Variants in FSTL4 observed in about 807,000 individuals in gnomAD.
The protein encoded by FSTL4 is follistatin like 4.
A neutral mutation model predicts 78.2 loss-of-function variants in FSTL4; 28 were observed. The observed-to-expected ratio is 0.36, with a 90% CI of 0.27 to 0.49. The LOEUF (loss-of-function observed/expected upper bound fraction) is 0.49. FSTL4 is among the 20% of genes least tolerant of loss of function. The pLI is 0.98. For missense variants in FSTL4, 922 were observed against 1,084.9 expected (o/e 0.85, Z 2.11); for synonymous variants, 422 against 440.5 (o/e 0.96, Z 0.53).
At chr5:133,282,585 G>A (rs1488595193) in intron 6 of FSTL4, among the ~76,000 whole-genome samples, 1 of 152,230 alleles carries the variant, frequency 6.6e-6, no homozygotes, top group Non-Finnish European at 1.5e-5. Flanking sequence ...AGTGGCTCCT[G>A]TGGGTGGGAG....
At chr5:133,326,016 C>T (rs1307376198) in intron 4 of FSTL4, among the ~76,000 whole-genome samples, 2 of 152,204 alleles carry the variant, frequency 1.3e-5, no homozygotes, top group Non-Finnish European at 2.9e-5. Flanking sequence ...GTTACAGGGG[C>T]CTCAGTTGTG....
chr5:133,739,944 G>C, the FSTL4 span, among the ~76,000 whole-genome samples: 1 of 149,544 alleles, frequency 6.7e-6, no homozygotes, highest in Non-Finnish European at 1.5e-5. Flanking sequence ...CCAGACAGGA[G>C]TGCAATGGTA....
At chr5:133,367,703 C>G (rs1009524206) in intron 4 of FSTL4, among the ~76,000 whole-genome samples, 1 of 152,182 alleles carries the variant, frequency 6.6e-6, no homozygotes, top group Non-Finnish European at 1.5e-5. Flanking sequence ...AAGCGGGTTT[C>G]CCTGCTACTG....
At chr5:133,215,950 A>T (rs1043838800) in intron 13 of FSTL4, among the ~76,000 whole-genome samples, 3 of 152,174 alleles carry the variant, frequency 2.0e-5, no homozygotes, top group Non-Finnish European at 4.4e-5. Context: ...GTAATCCAGG[A>T]TAATCTCATT....
intron 3 of FSTL4, among the ~76,000 whole-genome samples, chr5:133,492,980 AAT>A (rs1210867154): frequency 1.2e-4 from 18 of 152,004 alleles, no homozygotes; most frequent in African/African-American, 3.9e-4. Flanking sequence ...AGCTGTACCT[AAT>A]ATGTTTTTAA....
chr5:133,764,424 C>A, the FSTL4 span, among the ~76,000 whole-genome samples: 84 of 152,254 alleles, frequency 5.5e-4, 1 homozygote, highest in East Asian at 0.012. Context: ...AACCTGGGGA[C>A]CCAGCAGAGA....
chr5:133,718,628 G>A, the FSTL4 span, among the ~76,000 whole-genome samples: 1 of 152,078 alleles, frequency 6.6e-6, no homozygotes, highest in African/African-American at 2.4e-5. Context: ...GGGAGAAGAG[G>A]GAAAAAGGAA....
At chr5:133,424,512 CT>C (rs1358375484) in intron 3 of FSTL4, among the ~76,000 whole-genome samples, 3 of 152,230 alleles carry the variant, frequency 2.0e-5, no homozygotes, top group Non-Finnish European at 4.4e-5. Flanking sequence ...AGATGATGGT[CT>C]TTAGAATGTC....
the FSTL4 span, among the ~76,000 whole-genome samples, chr5:133,676,397 T>A: frequency 6.6e-6 from 1 of 152,214 alleles, no homozygotes; most frequent in Non-Finnish European, 1.5e-5. Flanking sequence ...TTCCAAGTGT[T>A]CTTCATTCTC....
chr5:133,389,325 C>A (rs1166519471), intron 4 of FSTL4, among the ~76,000 whole-genome samples: 2 of 152,178 alleles, frequency 1.3e-5, no homozygotes, highest in African/African-American at 4.8e-5. Flanking sequence ...GGAATTACAG[C>A]TAAATCCATG....
Position 133,375,291 on chromosome 5 carries a change from C to CATATATATATGTGTGTGTATAT in FSTL4, c.409+25446_409+25447insATATACACACACATATATATAT, listed in dbSNP as rs67110507. Among the ~76,000 whole-genome samples, 15 of 57,944 alleles carry CATATATATATGTGTGTGTATAT rather than the reference C, an allele frequency of 2.6e-4. 1 individual carries two copies. The highest frequency in any genetic ancestry group is 4.9e-4 in the Admixed American group (2 of 4,064). 38.0% of individuals were successfully genotyped at this position (57,944 alleles called of 152,430 possible). On this transcript the variant is annotated intron_variant, in intron 4 of 15. Coordinates refer to ENST00000265342, the MANE Select transcript of FSTL4 (RefSeq NM_015082.2). ...AACCCAAAACATAGGGTGTGCATGG[C>CATATATATATGTGTGTGTATAT]ATATATATATATATATATATAAAAG...
At chr5:133,788,980 C>T in the FSTL4 span, among the ~76,000 whole-genome samples, 1 of 152,194 alleles carries the variant, frequency 6.6e-6, no homozygotes, top group Non-Finnish European at 1.5e-5. Flanking sequence ...GCTGATTGCA[C>T]TGGGCACCCC....
At chr5:133,248,767 C>T (rs1025444196) in intron 7 of FSTL4, 1 of 152,488 alleles carries the variant, frequency 6.6e-6, no homozygotes, top group African/African-American at 2.4e-5. Context: ...CAGTTGCTTT[C>T]TTCTTCCACA....
the FSTL4 span, among the ~76,000 whole-genome samples, chr5:133,625,534 G>C: frequency 6.7e-6 from 1 of 150,306 alleles, no homozygotes; most frequent in South Asian, 2.1e-4. Flanking sequence ...TTAAGGTTTG[G>C]TGTCAATTTT....
chr5:133,442,417 G>A (rs889799549), intron 3 of FSTL4, among the ~76,000 whole-genome samples: 1 of 152,094 alleles, frequency 6.6e-6, no homozygotes, highest in African/African-American at 2.4e-5. Context: ...ATGCTTGCAT[G>A]GAGTCAGATC....
intron 4 of FSTL4, among the ~76,000 whole-genome samples, chr5:133,375,528 C>G (rs1314721549): frequency 6.6e-6 from 1 of 151,882 alleles, no homozygotes; most frequent in African/African-American, 2.4e-5. Flanking sequence ...TTGAAATAGC[C>G]AAGCCTCATG....
intron 2 of FSTL4, among the ~76,000 whole-genome samples, chr5:133,582,141 G>A (rs983603182): frequency 2.6e-5 from 4 of 152,176 alleles, no homozygotes; most frequent in African/African-American, 4.8e-5. Context: ...CATGAGGACC[G>A]ATGCCAGCTC....
intron 6 of FSTL4, chr5:133,256,368 T>C (rs1039719897): frequency 6.6e-6 from 1 of 152,258 alleles, no homozygotes; most frequent in Admixed American, 6.5e-5. Context: ...CCCATCCCTG[T>C]GACCAGAGTC....
intron 3 of FSTL4, among the ~76,000 whole-genome samples, chr5:133,439,735 G>A (rs1338756767): frequency 6.6e-6 from 1 of 152,196 alleles, no homozygotes. Flanking sequence ...AAAGATGGCT[G>A]TGCCTGACAG....
Sources: allele counts gnomAD v4.1 joint callset (sites outside exome capture counted in the v4.1 genomes callset), GRCh38; gene constraint gnomAD v4.1.1; transcripts MANE v1.5; gene names NCBI Gene and HGNC (gene_info 2026-07-23, HGNC 2026-07-21).